Variants in SDK1 observed in about 807,000 individuals in gnomAD.
SDK1 encodes sidekick cell adhesion molecule 1, also known as protein sidekick-1.
SDK1 carries 157 observed loss-of-function variants against 245.5 expected under a neutral mutation model. The ratio of observed to expected loss-of-function variants is 0.64; its 90% CI spans 0.56 to 0.73. The LOEUF (loss-of-function observed/expected upper bound fraction) is 0.73, where lower values mean the gene tolerates loss of function less well. Among genes scored for constraint, SDK1 ranks in the 30% least tolerant of loss-of-function variants. SDK1 has a pLI of 0.00. For missense variants in SDK1, 3,583 were observed against 3,002.3 expected (o/e 1.19, Z -4.52); for synonymous variants, 1,647 against 1,278.5 (o/e 1.29, Z -6.15).
rs149605717 is a variant in SDK1 at position 3,736,693 on chromosome 7, C to A, written c.714-84757C>A. On this transcript the variant is annotated intron_variant, in intron 4 of 44. Coordinates refer to ENST00000404826, the MANE Select transcript of SDK1 (RefSeq NM_152744.4). The stretch of plus-strand genomic sequence containing the variant: ...TATATGATTATATATATAAGGTATA[C>A]AGCGTGATGCTTTGATATACATATG... Among the ~76,000 whole-genome samples the A allele has an allele frequency of 5.9e-3, 897 of 152,240 alleles. 10 individuals are homozygous for A. The highest frequency in any genetic ancestry group is 0.021 in the African/African-American group (862 of 41,542).
chr7:3,775,871 C>T lies in SDK1; in HGVS notation c.714-45579C>T, dbSNP rs115535262. 6.0e-3 allele frequency among the ~76,000 whole-genome samples: 907 copies of T among 152,304 alleles called. 6 individuals are homozygous for T. Among genetic ancestry groups the T allele is most frequent in the African/African-American group, 0.02 (832 of 41,570 alleles). ...GATTACAGGCGTGAGCCACCGCGCCCGGCCTAGTACCTCTTTAAATGAAAA... is the reference window on the plus strand; with the variant it reads ...GATTACAGGCGTGAGCCACCGCGCCTGGCCTAGTACCTCTTTAAATGAAAA... On this transcript the variant is annotated intron_variant, in intron 4 of 44. Transcript: ENST00000404826.
intron 5 of SDK1, among the ~76,000 whole-genome samples, chr7:3,922,453 T>G (rs1035617586): frequency 1.3e-5 from 2 of 152,234 alleles, no homozygotes; most frequent in Non-Finnish European, 2.9e-5. Context: ...GAGATGTTCC[T>G]CCGAATACCA....
At chr7:3,385,507 TA>T (rs961793843) in intron 1 of SDK1, among the ~76,000 whole-genome samples, 1 of 152,062 alleles carries the variant, frequency 6.6e-6, no homozygotes, top group Non-Finnish European at 1.5e-5. Flanking sequence ...TTTTTTCTAA[TA>T]AAAAAACTCC....
intron 1 of SDK1, among the ~76,000 whole-genome samples, chr7:3,376,911 C>G (rs1008659835): frequency 3.9e-5 from 6 of 152,078 alleles, no homozygotes; most frequent in East Asian, 3.9e-4. Flanking sequence ...CTTGGACTTT[C>G]CTGGATCTGT....
chr7:3,678,418 C>T (rs1011903149), intron 4 of SDK1, among the ~76,000 whole-genome samples: 4 of 152,078 alleles, frequency 2.6e-5, no homozygotes, highest in African/African-American at 4.8e-5. Context: ...CTGTAGGTAC[C>T]ATGGACTATT....
At chr7:4,011,223 C>A in intron 15 of SDK1, 110 bp downstream of exon 15, 1 of 1,358,636 alleles carries the variant, frequency 7.4e-7, no homozygotes, top group Non-Finnish European at 1.0e-6. Flanking sequence ...GCTGGCTTCC[C>A]TCAGGGAGAC....
intron 1 of SDK1, among the ~76,000 whole-genome samples, chr7:3,557,699 C>T (rs1382830708): frequency 6.6e-6 from 1 of 152,146 alleles, no homozygotes; most frequent in African/African-American, 2.4e-5. Context: ...AAAGGGTACT[C>T]AGAATCTCTT....
chr7:3,900,948 CA>C (rs34730199), intron 5 of SDK1, among the ~76,000 whole-genome samples: 2,258 of 149,932 alleles, frequency 0.015, 58 homozygotes, highest in African/African-American at 0.052. Flanking sequence ...CTAATTGTAG[CA>C]AAAAAAAAGA....
intron 1 of SDK1, among the ~76,000 whole-genome samples, chr7:3,501,739 G>A (rs545474867): frequency 6.6e-6 from 1 of 152,086 alleles, no homozygotes; most frequent in South Asian, 2.1e-4. Context: ...ATTTTTTGTT[G>A]AAGTATGTGC....
At chr7:4,033,327 A>G (rs1044093286) in intron 17 of SDK1, among the ~76,000 whole-genome samples, 1 of 152,192 alleles carries the variant, frequency 6.6e-6, no homozygotes, top group African/African-American at 2.4e-5. Context: ...GATCGGAGAT[A>G]TCAATATTAA....
chr7:3,810,582 A>G (rs908538154), intron 4 of SDK1, among the ~76,000 whole-genome samples: 2 of 152,218 alleles, frequency 1.3e-5, no homozygotes, highest in Admixed American at 6.5e-5. Context: ...AATTTAAGAA[A>G]CATTGCTATA....
At position 3,985,069 on chromosome 7, in the gene SDK1, A is replaced by G. The variant is rs542927498; in HGVS notation, c.1995-2117A>G. Among the ~76,000 whole-genome samples, 168 of 152,222 alleles carry G rather than the reference A, an allele frequency of 1.1e-3. 1 individual carries two copies. The highest frequency in any genetic ancestry group is 1.4e-3 in the Non-Finnish European group (94 of 68,016). The stretch of plus-strand genomic sequence containing the variant: ...GAGGTCAGAAGGCTGAGCCGTCACC[A>G]CTGGCTCAAAGCCCCAACCCTCTTA... On this transcript the variant is annotated intron_variant, in intron 13 of 44. Coordinates refer to ENST00000404826, the MANE Select transcript of SDK1 (RefSeq NM_152744.4).
chr7:3,661,607 T>A (rs1426527610), intron 4 of SDK1, among the ~76,000 whole-genome samples: 1 of 152,232 alleles, frequency 6.6e-6, no homozygotes, highest in East Asian at 1.9e-4. Context: ...TTAAAAATTT[T>A]AAAAACTGTT....
At chr7:3,354,476 G>A (rs771283973) in intron 1 of SDK1, among the ~76,000 whole-genome samples, 8 of 152,124 alleles carry the variant, frequency 5.3e-5, no homozygotes, top group Admixed American at 6.5e-5. Flanking sequence ...AGAGTTTTCC[G>A]TGAAAGAAGT....
At chr7:3,755,501 A>G (rs1779896117) in intron 4 of SDK1, among the ~76,000 whole-genome samples, 1 of 152,166 alleles carries the variant, frequency 6.6e-6, no homozygotes, top group South Asian at 2.1e-4. Flanking sequence ...CTTGAGTGGG[A>G]AGTCTAAAAT....
intron 4 of SDK1, among the ~76,000 whole-genome samples, chr7:3,721,900 T>G (rs1439670190): frequency 6.6e-6 from 1 of 152,178 alleles, no homozygotes; most frequent in African/African-American, 2.4e-5. Flanking sequence ...CTCCTGATTT[T>G]CTCTTCATTA....
chr7:4,248,356 G>A (rs367874287), intron 44 of SDK1, among the ~76,000 whole-genome samples: 7 of 112,566 alleles, frequency 6.2e-5, no homozygotes, highest in South Asian at 3.0e-4. Context: ...GCACACACAC[G>A]TTTACCTAAA....
intron 1 of SDK1, among the ~76,000 whole-genome samples, chr7:3,587,906 A>G (rs1356727397): frequency 6.6e-6 from 1 of 152,232 alleles, no homozygotes; most frequent in East Asian, 1.9e-4. Context: ...ATTGCCTTCC[A>G]TGTACTAAAT....
intron 23 of SDK1, among the ~76,000 whole-genome samples, chr7:4,111,402 G>A (rs1188514442): frequency 6.6e-6 from 1 of 152,096 alleles, no homozygotes; most frequent in Non-Finnish European, 1.5e-5. Context: ...TCATTGTTCT[G>A]CCAGGATGGA....
Sources: allele counts gnomAD v4.1 joint callset (sites outside exome capture counted in the v4.1 genomes callset), GRCh38; gene constraint gnomAD v4.1.1; transcripts MANE v1.5; gene names NCBI Gene and HGNC (gene_info 2026-07-23, HGNC 2026-07-21).